The following SMIM21 variants were observed in gnomAD, a reference collection of about 807,000 sequenced individuals.
SMIM21 encodes the protein small integral membrane protein 21.
A neutral mutation model predicts 8.6 loss-of-function variants in SMIM21; 8 were observed. The observed-to-expected ratio is 0.93, with a 90% CI of 0.55 to 1.68. The LOEUF is 1.68. SMIM21 is among the 40% of genes most tolerant of loss of function. The pLI is 0.00. For missense variants in SMIM21, 132 were observed against 123.0 expected (o/e 1.07, Z -0.35); for synonymous variants, 43 against 41.7 (o/e 1.03, Z -0.12).
chr18:75,410,979 AT>A (rs767025352), intron 2 of SMIM21, 70 bp from the exon 3 acceptor site: 15 of 1,569,372 alleles, frequency 9.6e-6, no homozygotes, highest in African/African-American at 1.4e-5. Flanking sequence ...TTACAATAAA[AT>A]TGACCATTTG....
chr18:75,423,779 T>C (rs1195178902), intron 1 of SMIM21, among the ~76,000 whole-genome samples: 1 of 152,214 alleles, frequency 6.6e-6, no homozygotes, highest in Non-Finnish European at 1.5e-5. Context: ...TCTGTTTTGA[T>C]TGGCTGGAGT....
At chr18:75,416,260 T>G (rs747225923) in intron 2 of SMIM21, 3 of 152,220 alleles carry the variant, frequency 2.0e-5, no homozygotes, top group Non-Finnish European at 4.4e-5. Context: ...TTGTTGTTAT[T>G]CACTTCCTTA....
At chr18:75,426,139 C>A (rs1024456242) in intron 1 of SMIM21, among the ~76,000 whole-genome samples, 9 of 152,212 alleles carry the variant, frequency 5.9e-5, no homozygotes, top group African/African-American at 2.2e-4. Context: ...ATTCTACCTA[C>A]CTGGATGTTG....
chr18:75,420,415 T>A (rs1010224061), intron 1 of SMIM21, among the ~76,000 whole-genome samples: 4 of 152,186 alleles, frequency 2.6e-5, no homozygotes, highest in Admixed American at 2.6e-4. Flanking sequence ...AGGGTCTCTG[T>A]CTCTCTTTTT....
intron 1 of SMIM21, among the ~76,000 whole-genome samples, chr18:75,426,561 G>A (rs952933807): frequency 1.4e-5 from 2 of 142,896 alleles, no homozygotes; most frequent in Admixed American, 7.4e-5. Flanking sequence ...TCCTCGCCTC[G>A]GCCTCCCAAA....
intron 1 of SMIM21, among the ~76,000 whole-genome samples, chr18:75,420,542 T>G (rs893061446): frequency 1.4e-4 from 21 of 152,182 alleles, no homozygotes; most frequent in Non-Finnish European, 2.8e-4. Context: ...CTTAGATCTG[T>G]ACTGCTTGAT....
At chr18:75,421,052 G>A (rs1390511624) in intron 1 of SMIM21, among the ~76,000 whole-genome samples, 3 of 152,168 alleles carry the variant, frequency 2.0e-5, no homozygotes, top group Non-Finnish European at 4.4e-5. Context: ...GAGGCACCTG[G>A]ACTTCTCTAG....
At chr18:75,422,047 A>G (rs1286902777) in intron 1 of SMIM21, among the ~76,000 whole-genome samples, 3 of 152,204 alleles carry the variant, frequency 2.0e-5, no homozygotes, top group African/African-American at 7.2e-5. Context: ...ACAAGTGGAC[A>G]GCCAGAGTTC....
At chr18:75,425,966 T>G (rs2024756890) in intron 1 of SMIM21, among the ~76,000 whole-genome samples, 1 of 152,174 alleles carries the variant, frequency 6.6e-6, no homozygotes, top group African/African-American at 2.4e-5. Context: ...GCAGACCAGC[T>G]GCCCTGAAAT....
intron 2 of SMIM21, among the ~76,000 whole-genome samples, chr18:75,411,939 C>T (rs535163490): frequency 6.6e-6 from 1 of 152,324 alleles, no homozygotes; most frequent in South Asian, 2.1e-4. Flanking sequence ...AGGTCTCCTG[C>T]AGGCCGAGAC....
Position 75,427,586 on chromosome 18 carries a change from G to A in SMIM21, c.-23C>T, listed in dbSNP as rs369789895. 157 of 1,571,502 alleles carry A rather than the reference G, an allele frequency of 1.0e-4. No homozygotes were observed. In the African/African-American group the frequency reaches 1.9e-3, roughly 19 times the overall value. ...CATGTGGGGGCTGCGGCGGTGACCA[G>A]TGAGAGGTCTCCTTGATGACAGCGA... On this transcript the variant is annotated 5_prime_UTR_variant, in exon 1 of 3. Coordinates refer to ENST00000579022, the MANE Select transcript of SMIM21 (RefSeq NM_001037331.3).
intron 2 of SMIM21, among the ~76,000 whole-genome samples, chr18:75,413,528 C>G (rs374393265): frequency 6.6e-6 from 1 of 152,178 alleles, no homozygotes; most frequent in African/African-American, 2.4e-5. Flanking sequence ...GTACTTAAAC[C>G]CTTTAATGAT....
At chr18:75,414,426 G>A (rs183790904) in intron 2 of SMIM21, among the ~76,000 whole-genome samples, 161 of 152,150 alleles carry the variant, frequency 1.1e-3, no homozygotes, top group African/African-American at 3.5e-3. Context: ...AAGATGCCTC[G>A]ACATGCCTGC....
At chr18:75,427,009 G>T (rs2024771384) in intron 1 of SMIM21, among the ~76,000 whole-genome samples, 2 of 152,166 alleles carry the variant, frequency 1.3e-5, no homozygotes, top group African/African-American at 4.8e-5. Context: ...TGAAGGAAAA[G>T]AAACTTTCTT....
At chr18:75,426,059 G>T (rs900487469) in intron 1 of SMIM21, among the ~76,000 whole-genome samples, 1 of 151,766 alleles carries the variant, frequency 6.6e-6, no homozygotes, top group African/African-American at 2.4e-5. Flanking sequence ...CAGCCCTCAC[G>T]CAAGGCCTGG....
chr18:75,426,631 TAAAAAAAAAAAAAAAAA>T (rs777676195), intron 1 of SMIM21, among the ~76,000 whole-genome samples: 62 of 89,256 alleles, frequency 6.9e-4, no homozygotes, highest in African/African-American at 2.4e-3. Flanking sequence ...TTTTAAAATG[TAAAAAAAAAAAAAAAAA>T]AAAAAAAAAA....
intron 2 of SMIM21, among the ~76,000 whole-genome samples, chr18:75,412,172 C>T (rs2024591554): frequency 6.6e-6 from 1 of 152,164 alleles, no homozygotes; most frequent in Non-Finnish European, 1.5e-5. Context: ...ACAGATGAAG[C>T]CCAAATTCTC....
chr18:75,426,542 C>T lies in SMIM21; in HGVS notation c.129+893G>A, dbSNP rs187291892. Among the ~76,000 whole-genome samples, 7 of 147,776 alleles carry T rather than the reference C, an allele frequency of 4.7e-5. No individual in the cohort carries two copies. In the East Asian group the frequency reaches 1.0e-3, roughly 21 times the overall value. Reference sequence around the variant, plus strand: ...GCCAGGATAGTATCAATCTCCTGACCTTGTGATCTCCTCGCCTCGGCCTCC... The same window carrying T: ...GCCAGGATAGTATCAATCTCCTGACTTTGTGATCTCCTCGCCTCGGCCTCC... On this transcript the variant is annotated intron_variant, in intron 1 of 2. Coordinates refer to ENST00000579022, the MANE Select transcript of SMIM21 (RefSeq NM_001037331.3).
intron 2 of SMIM21, among the ~76,000 whole-genome samples, chr18:75,411,436 C>G (rs1034916308): frequency 7.2e-5 from 11 of 152,240 alleles, no homozygotes; most frequent in African/African-American, 2.4e-4. Context: ...ACACGGCTAA[C>G]CGTTTTGCTG....
Sources: gnomAD v4.1 joint callset for allele counts (sites outside exome capture counted in the v4.1 genomes callset) on GRCh38, gnomAD v4.1.1 for gene constraint, MANE v1.5 for transcripts, NCBI Gene and HGNC (gene_info 2026-07-23, HGNC 2026-07-21) for gene names.